Variants in C1orf159 observed in about 807,000 individuals in gnomAD.
C1orf159 encodes the protein uncharacterized protein C1orf159.
In C1orf159, 19 loss-of-function variants were observed where a neutral mutation model predicts 25.6. The ratio of observed to expected loss-of-function variants is 0.74; its 90% CI spans 0.52 to 1.09. The LOEUF is 1.09. Ranked by LOEUF, C1orf159 falls within the 50% of genes least tolerant of loss-of-function variation. The probability of loss-of-function intolerance (pLI) is 0.00; values close to 1 mark genes in which losing one functional copy is unlikely to be tolerated. For synonymous variants in C1orf159, 139 were observed against 124.7 expected (o/e 1.12, Z -0.77); for missense variants, 274 against 290.6 (o/e 0.94, Z 0.42).
chr1:1,086,034 C>CGG lies in C1orf159; in HGVS notation c.311-23_311-22insCC, dbSNP rs1557746207. 3 of 1,611,712 alleles carry CGG rather than the reference C, an allele frequency of 1.9e-6. No homozygotes were observed. The African/African-American group carries it at 4.0e-5, about 21-fold the overall frequency. On this transcript the variant is annotated intron_variant, in intron 6 of 9. Coordinates refer to ENST00000421241, the MANE Select transcript of C1orf159 (RefSeq NM_017891.5). ...GCCCCTGCAAACAGACACCGCTGAG[C>CGG]AGACGGGCAGGACGGTGGCCCTGGC...
At position 1,087,054 on chromosome 1, in the gene C1orf159, G is replaced by T. The variant is rs571124799; in HGVS notation, c.310+85C>A. On this transcript the variant is annotated intron_variant, in intron 6 of 9. Coordinates refer to ENST00000421241, the MANE Select transcript of C1orf159 (RefSeq NM_017891.5). This position sits in a 1 kb window ranked among gnomAD's most constrained non-coding sequence, Gnocchi z 8.3. The stretch of plus-strand genomic sequence containing the variant: ...AGAACCCTGAGCCTGCTGTGGCTGC[G>T]TCAAGGGTGAGGGTCTGCACTGGCT... The T allele has an allele frequency of 1.2e-5, 16 of 1,363,236 alleles. No individual in the cohort carries two copies. The South Asian group carries it at 2.0e-4, about 17-fold the overall frequency. The allele number at this position is 1,363,236 out of a possible 1,614,324, so 84.4% of individuals were successfully genotyped here. A position where few individuals can be genotyped will look rare whatever the true frequency, so the allele number is the denominator to read the frequency against.
intron 4 of C1orf159, 43 bp downstream of exon 4, chr1:1,090,310 C>G: frequency 2.6e-6 from 4 of 1,542,264 alleles, no homozygotes; most frequent in Non-Finnish European, 8.8e-7. Context: ...ACACCAGTGG[C>G]TCAGGGGCCG....
At chr1:1,084,231 C>A in intron 9 of C1orf159, 122 bp downstream of exon 9, 2 of 1,520,338 alleles carry the variant, frequency 1.3e-6, no homozygotes. Context: ...CTCCTGGGGA[C>A]CCGGGCAGGG....
intron 1 of C1orf159, among the ~76,000 whole-genome samples, chr1:1,112,702 G>C (rs1646279240): frequency 6.6e-6 from 1 of 152,268 alleles, no homozygotes; most frequent in Non-Finnish European, 1.5e-5. Context: ...GATGCTGCAT[G>C]GGTGGACAGC....
In C1orf159 at chr1:1,116,029, C is replaced by G. The variant is rs1186125232; in HGVS notation, c.-136+31G>C. On this transcript the variant is annotated intron_variant, in intron 1 of 9. Coordinates refer to ENST00000421241, the MANE Select transcript of C1orf159 (RefSeq NM_017891.5). The surrounding 1 kb of genome is among the most constrained non-coding windows in gnomAD (Gnocchi z 4.8). ...CGGACCCCAGCGCCCCAACCCGCTA[C>G]CCTCACGCCTGCCCCCAGCCCCTCA... 6.6e-6 allele frequency: 1 copy of G among 152,300 alleles called. No individual in the cohort carries two copies. The highest frequency in any genetic ancestry group is 1.5e-5 in the Non-Finnish European group (1 of 68,260). 9.4% of individuals were successfully genotyped at this position (152,300 alleles called of 1,614,324 possible). A position where few individuals can be genotyped will look rare whatever the true frequency, so the allele number is the denominator to read the frequency against.
chr1:1,115,022 G>A (rs1025623310), intron 1 of C1orf159: 3 of 152,056 alleles, frequency 2.0e-5, no homozygotes, highest in Non-Finnish European at 2.9e-5. Context: ...AGTAACTTAC[G>A]GAAAAATAAA....
intron 1 of C1orf159, chr1:1,115,003 CTG>C (rs1646314191): frequency 6.6e-6 from 1 of 152,222 alleles, no homozygotes; most frequent in African/African-American, 2.4e-5. Context: ...CAAACACCAC[CTG>C]TACCCCAGTA....
chr1:1,082,326 C>T lies in C1orf159; in HGVS notation c.*567G>A, dbSNP rs74048004. 3,141 of 156,574 alleles carry T rather than the reference C, an allele frequency of 0.02. 118 individuals carry two copies. The highest frequency in any genetic ancestry group is 0.071 in the African/African-American group (2,971 of 41,606). The allele number at this position is 156,574 out of a possible 1,614,324, so 9.7% of individuals were successfully genotyped here. The stretch of plus-strand genomic sequence containing the variant: ...AAATGGGTGGCTGCGTGCTTGGGGT[C>T]TCCGCCACGCGGGAGGACAGCCCAG... On this transcript the variant is annotated 3_prime_UTR_variant, in exon 10 of 10. Coordinates refer to ENST00000421241, the MANE Select transcript of C1orf159 (RefSeq NM_017891.5).
intron 6 of C1orf159, among the ~76,000 whole-genome samples, chr1:1,086,284 G>A (rs1308796211): frequency 6.6e-6 from 1 of 152,258 alleles, no homozygotes; most frequent in East Asian, 1.9e-4. Context: ...GAGCGTTACA[G>A]GGGCTGACCC....
intron 3 of C1orf159, chr1:1,091,248 T>TA (rs1557426789): frequency 1.6e-6 from 1 of 642,696 alleles, no homozygotes; most frequent in Non-Finnish European, 2.7e-6. Flanking sequence ...GGGCCCCGCC[T>TA]GACCCAGCCA....
intron 4 of C1orf159, among the ~76,000 whole-genome samples, chr1:1,088,199 GA>G (rs1282422516): frequency 2.6e-5 from 1 of 38,452 alleles, no homozygotes; most frequent in Non-Finnish European, 4.5e-5. Flanking sequence ...CCTCCCCCAG[GA>G]CCCCCCCCCC....
At chr1:1,113,126 G>A (rs533549360) in intron 1 of C1orf159, among the ~76,000 whole-genome samples, 18 of 151,870 alleles carry the variant, frequency 1.2e-4, no homozygotes, top group African/African-American at 4.4e-4. Context: ...AACCCGGGAG[G>A]CAGAGCTTGC....
chr1:1,087,037 G>C lies in C1orf159; in HGVS notation c.310+102C>G. ...CCCTCTGGCTGTTTTGCAGAACCCT[G>C]AGCCTGCTGTGGCTGCGTCAAGGGT... On this transcript the variant is annotated intron_variant, in intron 6 of 9. Coordinates refer to ENST00000421241, the MANE Select transcript of C1orf159 (RefSeq NM_017891.5). This position sits in a 1 kb window ranked among gnomAD's most constrained non-coding sequence, Gnocchi z 8.3. The C allele has an allele frequency of 8.1e-7, 1 of 1,233,644 alleles. No homozygotes were observed. Among genetic ancestry groups the C allele is most frequent in the South Asian group, 1.3e-5 (1 of 77,322 alleles). 76.4% of individuals were successfully genotyped at this position (1,233,644 alleles called of 1,614,324 possible).
Position 1,087,396 on chromosome 1 carries a change from T to C in C1orf159, c.244+106A>G. 5.7e-6 allele frequency: 7 copies of C among 1,235,652 alleles called. No individual in the cohort carries two copies. Among genetic ancestry groups the C allele is most frequent in the Non-Finnish European group, 7.8e-6 (7 of 892,232 alleles). The allele number at this position is 1,235,652 out of a possible 1,614,324, so 76.5% of individuals were successfully genotyped here. A position where few individuals can be genotyped will look rare whatever the true frequency, so the allele number is the denominator to read the frequency against. On this transcript the variant is annotated intron_variant, in intron 5 of 9. Coordinates refer to ENST00000421241, the MANE Select transcript of C1orf159 (RefSeq NM_017891.5). This position sits in a 1 kb window ranked among gnomAD's most constrained non-coding sequence, Gnocchi z 8.3. ...GGGGGCTCCCGGGGCTGTTCCCCAG[T>C]GGACAGTGGCTCTGGGGCAAGGTGG...
At chr1:1,099,262 A>G (rs1646056796) in intron 1 of C1orf159, among the ~76,000 whole-genome samples, 2 of 148,548 alleles carry the variant, frequency 1.3e-5, no homozygotes, top group Admixed American at 1.3e-4. Flanking sequence ...AGAGGTTAAA[A>G]TCTCCGACTA....
intron 1 of C1orf159, among the ~76,000 whole-genome samples, chr1:1,093,404 C>T (rs1279230772): frequency 6.6e-6 from 1 of 152,216 alleles, no homozygotes; most frequent in African/African-American, 2.4e-5. Context: ...TAAACCACAT[C>T]CGTGTAAAGT....
At chr1:1,083,716 G>A (rs571049061) in intron 9 of C1orf159, 37 of 603,200 alleles carry the variant, frequency 6.1e-5, no homozygotes, top group Admixed American at 4.0e-4. Flanking sequence ...TGCAGACAGG[G>A]CTGCTTTAGG....
intron 1 of C1orf159, among the ~76,000 whole-genome samples, chr1:1,105,341 C>T (rs1468480843): frequency 2.0e-5 from 3 of 151,748 alleles, no homozygotes; most frequent in East Asian, 1.9e-4. Flanking sequence ...GGCAATACAC[C>T]GAAACCCCTT....
rs1025020839 is a variant in C1orf159 at position 1,092,018 on chromosome 1, C to G, written c.-50G>C. 3 of 456,720 alleles carry G rather than the reference C, an allele frequency of 6.6e-6. No homozygotes were observed. Among genetic ancestry groups the G allele is most frequent in the African/African-American group, 6.0e-5 (3 of 50,096 alleles). The allele number at this position is 456,720 out of a possible 1,614,324, so 28.3% of individuals were successfully genotyped here. On this transcript the variant is annotated 5_prime_UTR_variant, in exon 2 of 10. An upstream start codon of the reference 5' UTR is lost. Coordinates refer to ENST00000421241, the MANE Select transcript of C1orf159 (RefSeq NM_017891.5). ...GCCCCTCCAGGATGGGGACTACCGA[C>G]ATCAGCCCTTTGCCCGCCTGGGTGT...
Sources: allele counts gnomAD v4.1 joint callset (sites outside exome capture counted in the v4.1 genomes callset), GRCh38; gene constraint gnomAD v4.1.1; non-coding constraint Gnocchi (gnomAD v3.1); transcripts MANE v1.5; gene names NCBI Gene and HGNC (gene_info 2026-07-23, HGNC 2026-07-21).